The following PDE9A variants were observed in gnomAD, a reference collection of about 807,000 sequenced individuals.
PDE9A encodes high affinity cGMP-specific 3',5'-cyclic phosphodiesterase 9A.
PDE9A carries 60 observed loss-of-function variants against 87.4 expected under a neutral mutation model. The observed-to-expected ratio is 0.69, with a 90% CI of 0.56 to 0.85. The LOEUF is 0.85. Among genes scored for constraint, PDE9A ranks in the 40% least tolerant of loss-of-function variants. The pLI is 0.00. For synonymous variants in PDE9A, 272 were observed against 279.4 expected, an observed-to-expected ratio of 0.97 and a Z score of 0.27; for missense variants, 665 against 779.0, an observed-to-expected ratio of 0.85 and a Z score of 1.74.
chr21:42,662,851 A>G (rs1413427855), intron 1 of PDE9A, among the ~76,000 whole-genome samples: 2 of 145,026 alleles, frequency 1.4e-5, no homozygotes, highest in Non-Finnish European at 3.0e-5. Flanking sequence ...CACCACACAC[A>G]TGCACATCAC....
At position 42,732,075 on chromosome 21, in the gene PDE9A, G is replaced by C; in HGVS notation, c.448G>C (p.Glu150Gln). 3.1e-6 allele frequency: 5 copies of C among 1,614,230 alleles called. No individual in the cohort carries two copies. Among genetic ancestry groups the C allele is most frequent in the Non-Finnish European group, 4.2e-6 (5 of 1,179,998 alleles). ...QEGQRIPPEREELIQSVLAQV... is the reference protein window; with the variant it reads ...QEGQRIPPERQELIQSVLAQV... ...CTTTCTTCTTTGGTTTGTAGAGAGA[G>C]AAGAATTAATCCAGAGCGTGCTGGC... The change falls in exon 6 of 20, where the codon GAA becomes CAA. Residue 150 changes from glutamate (E) to glutamine (Q), a missense_variant. Glu to Gln is a conservative substitution (Grantham distance 29, BLOSUM62 2). Transcript: ENST00000291539.
chr21:42,661,596 A>G (rs62215376), intron 1 of PDE9A, among the ~76,000 whole-genome samples: 21,086 of 152,160 alleles, frequency 0.14, 1,844 homozygotes, highest in Non-Finnish European at 0.2. Flanking sequence ...GCGGTATTCC[A>G]TTGTGTGCGT....
In PDE9A at chr21:42,731,755, G is replaced by A. The variant is rs1163235665; in HGVS notation, c.263-15G>A. ...TTCCCATATTTGGAAACCCAGTCCTGCCTGCTTTTTATAGCTGGTGTCGAG... is the reference window on the plus strand; with the variant it reads ...TTCCCATATTTGGAAACCCAGTCCTACCTGCTTTTTATAGCTGGTGTCGAG... On this transcript the variant is annotated splice_polypyrimidine_tract_variant and intron_variant, in intron 4 of 19. Coordinates refer to ENST00000291539, the MANE Select transcript of PDE9A (RefSeq NM_002606.3). 6.2e-7 allele frequency: 1 copy of A among 1,607,604 alleles called. No individual in the cohort carries two copies. Among genetic ancestry groups the A allele is most frequent in the Non-Finnish European group, 8.5e-7 (1 of 1,177,248 alleles).
chr21:42,668,919 G>A (rs1324604504), intron 1 of PDE9A, among the ~76,000 whole-genome samples: 1 of 101,790 alleles, frequency 9.8e-6, no homozygotes, highest in Admixed American at 9.1e-5. Flanking sequence ...CGTCCCACGC[G>A]GGCCACATCA....
In PDE9A at chr21:42,725,880, G is replaced by C. The variant is rs569105068; in HGVS notation, c.263-5890G>C. Among the ~76,000 whole-genome samples, 20 of 152,240 alleles carry C rather than the reference G, an allele frequency of 1.3e-4. 1 individual carries two copies. In the East Asian group the frequency reaches 1.9e-3, roughly 15 times the overall value. ...GCCCTGGTGCTTGCATCTTTAGTTG[G>C]TTTTTTCTGTCTTTTGAAGAACCTA... is the stretch of plus-strand genomic sequence containing the variant. On this transcript the variant is annotated intron_variant, in intron 4 of 19. Coordinates refer to ENST00000291539, the MANE Select transcript of PDE9A (RefSeq NM_002606.3).
intron 4 of PDE9A, among the ~76,000 whole-genome samples, chr21:42,717,900 G>GGGTTTTTTGTTTGTTTGTTT (rs61523493): frequency 1.3e-5 from 2 of 150,790 alleles, no homozygotes; most frequent in African/African-American, 2.4e-5. Context: ...CTTTCTTTGG[G>GGGTTTTTTGTTTGTTTGTTT]GTTTGTTTGT....
chr21:42,670,375 C>T (rs796844229), intron 1 of PDE9A, among the ~76,000 whole-genome samples: 3 of 126,440 alleles, frequency 2.4e-5, no homozygotes, highest in Admixed American at 1.4e-4. Flanking sequence ...CACATTCACA[C>T]ACATTCACAT....
At chr21:42,726,624 A>ATATATATATATATTTTTTT in intron 4 of PDE9A, among the ~76,000 whole-genome samples, 1 of 19,774 alleles carries the variant, frequency 5.1e-5, no homozygotes. Flanking sequence ...ATATATATAT[A>ATATATATATATATTTTTTT]TTTTTTTTTT....
rs771800493 is a variant in PDE9A at position 42,675,437 on chromosome 21, C to T, written c.70-10755C>T. On this transcript the variant is annotated intron_variant, in intron 1 of 19. Transcript: ENST00000291539. The surrounding 1 kb of genome is among the most constrained non-coding windows in gnomAD (Gnocchi z 4.3). ...GCAGTGGAGATTAGATTAGATCGTC[C>T]GTGGAAAGCACCAGAATGGTGCCTG... Among the ~76,000 whole-genome samples the T allele has an allele frequency of 7.9e-5, 12 of 152,216 alleles. No individual in the cohort carries two copies. Among genetic ancestry groups the T allele is most frequent in the South Asian group, 2.1e-4 (1 of 4,830 alleles).
intron 10 of PDE9A, among the ~76,000 whole-genome samples, 162 bp downstream of exon 10, chr21:42,754,226 A>G (rs2054772427): frequency 6.6e-6 from 1 of 151,322 alleles, no homozygotes; most frequent in African/African-American, 2.4e-5. Flanking sequence ...GTTTTAGTTG[A>G]AACTAACTAA....
chr21:42,759,000 T>C lies in PDE9A; in HGVS notation c.812T>C (p.Met271Thr). The change falls in exon 11 of 20, where the codon ATG becomes ACG. Residue 271 changes from methionine to threonine, a missense_variant and splice_region_variant. Met to Thr is a moderately conservative substitution (Grantham distance 81). Transcript: ENST00000291539. ...CCTATCCTTCTCCTGTGCCCACAGA[T>C]GCTGAGCTGCCTGGAGCACATGTAC... Reference protein sequence around the residue: ...FDVWLWEPNEMLSCLEHMYHD... With the variant: ...FDVWLWEPNETLSCLEHMYHD... The C allele has an allele frequency of 6.2e-7, 1 of 1,613,196 alleles. No individual in the cohort carries two copies. The highest frequency in any genetic ancestry group is 8.5e-7 in the Non-Finnish European group (1 of 1,179,136).
At chr21:42,720,781 G>A (rs1486663954) in intron 4 of PDE9A, among the ~76,000 whole-genome samples, 4 of 151,990 alleles carry the variant, frequency 2.6e-5, no homozygotes, top group African/African-American at 4.8e-5. Context: ...CGAGGTGGGC[G>A]GATCACCTGA....
chr21:42,685,128 C>G (rs1320729619), intron 1 of PDE9A, among the ~76,000 whole-genome samples: 1 of 152,228 alleles, frequency 6.6e-6, no homozygotes, highest in Non-Finnish European at 1.5e-5. Flanking sequence ...GCATCCTCTG[C>G]GATGAAGGCG....
intron 3 of PDE9A, among the ~76,000 whole-genome samples, chr21:42,688,394 C>CT (rs35856632): frequency 6.6e-6 from 1 of 152,204 alleles, no homozygotes; most frequent in Non-Finnish European, 1.5e-5. Flanking sequence ...GGGCCGGTCT[C>CT]TGTGTTCATA....
chr21:42,772,516 T>C lies in PDE9A; in HGVS notation c.1764T>C (p.Ser588=). ...SRERSRDVKN[S]EGDCA ...AGAGAAGCAGAGATGTGAAAAACAGTGAAGGTAATGCTTGCTCTGCTGAAG... is the reference window on the plus strand; with the variant it reads ...AGAGAAGCAGAGATGTGAAAAACAGCGAAGGTAATGCTTGCTCTGCTGAAG... The change falls in exon 19 of 20, where the codon AGT becomes AGC. Residue 588 remains serine, a synonymous_variant. Transcript: ENST00000291539. 6.3e-7 allele frequency: 1 copy of C among 1,594,534 alleles called. No individual in the cohort carries two copies. The highest frequency in any genetic ancestry group is 1.1e-5 in the South Asian group (1 of 87,884).
chr21:42,734,905 C>T (rs1383595892), intron 7 of PDE9A, among the ~76,000 whole-genome samples: 1 of 152,208 alleles, frequency 6.6e-6, no homozygotes, highest in African/African-American at 2.4e-5. Context: ...TCACGGCCTG[C>T]TACCTGCCCT....
chr21:42,662,550 G>A (rs1456037780), intron 1 of PDE9A, among the ~76,000 whole-genome samples: 1 of 120,908 alleles, frequency 8.3e-6, no homozygotes, highest in African/African-American at 3.2e-5. Context: ...TACACACCAT[G>A]CACATCACAC....
chr21:42,662,422 C>G (rs1212107714), intron 1 of PDE9A, among the ~76,000 whole-genome samples: 2 of 152,004 alleles, frequency 1.3e-5, no homozygotes, highest in African/African-American at 2.4e-5. Context: ...CCGACTGTTG[C>G]AGAGGGATGG....
chr21:42,736,036 G>T (rs2052375170), intron 7 of PDE9A, among the ~76,000 whole-genome samples: 1 of 152,016 alleles, frequency 6.6e-6, no homozygotes, highest in Non-Finnish European at 1.5e-5. Context: ...AGTCACTACG[G>T]GGCGAGTGTG....
Sources: allele counts gnomAD v4.1 joint callset (sites outside exome capture counted in the v4.1 genomes callset), GRCh38; gene constraint gnomAD v4.1.1; non-coding constraint Gnocchi (gnomAD v3.1); transcripts MANE v1.5; gene names NCBI Gene and HGNC (gene_info 2026-07-23, HGNC 2026-07-21).